The following CDKL2 variants were observed in gnomAD, a reference collection of about 807,000 sequenced individuals.
CDKL2 encodes cyclin dependent kinase like 2, also known as cyclin-dependent kinase-like 2.
CDKL2 carries 64 observed loss-of-function variants against 63.9 expected under a neutral mutation model. The ratio of observed to expected loss-of-function variants is 1.00; its 90% CI spans 0.82 to 1.23. The LOEUF is 1.23. Ranked by LOEUF, CDKL2 falls within the 50% of genes most tolerant of loss-of-function variation. The probability of loss-of-function intolerance (pLI) is 0.00; values close to 1 mark genes in which losing one functional copy is unlikely to be tolerated. For missense variants in CDKL2, 656 were observed against 668.0 expected (o/e 0.98, Z 0.20); for synonymous variants, 211 against 229.2 (o/e 0.92, Z 0.72).
rs368149421 is a variant in CDKL2, at chr4:75,625,833, G to C, written c.156C>G (p.Ile52Met). 5.0e-6 allele frequency: 8 copies of C among 1,610,534 alleles called. No homozygotes were observed. The highest frequency in any genetic ancestry group is 6.8e-6 in the Non-Finnish European group (8 of 1,179,036). Residue 52 changes from isoleucine (I) to methionine (M), a missense_variant, in exon 2 of 14, where the codon ATC (isoleucine) becomes ATG (methionine). Coordinates refer to ENST00000307465, the MANE Select transcript of CDKL2 (RefSeq NM_001330724.2). ...TGCATTTACTCACCTTTAGTAACTT[G>C]ATTTCTCGCATTGCAATCTTTTTAA... ...KMVKKIAMRE[I>M]KLLKQLRHEN... is the part of the protein sequence containing the mutation.
chr4:75,584,475 C>T (rs1457007643), intron 12 of CDKL2, among the ~76,000 whole-genome samples: 1 of 152,212 alleles, frequency 6.6e-6, no homozygotes, highest in Admixed American at 6.5e-5. Context: ...CTGCAGACAC[C>T]TTGATTTCCA....
chr4:75,591,789 C>G, intron 12 of CDKL2, 30 bp downstream of exon 12: 1 of 1,425,272 alleles, frequency 7.0e-7, no homozygotes, highest in Non-Finnish European at 9.5e-7. Context: ...GACCCGAGTT[C>G]TGTCCATCCT....
chr4:75,592,055 G>C (rs1448667139), intron 11 of CDKL2, 91 bp downstream of exon 11: 1 of 1,345,592 alleles, frequency 7.4e-7, no homozygotes, highest in East Asian at 2.5e-5. Flanking sequence ...AATATGTAAA[G>C]TTAGTATGAA....
At chr4:75,598,684 CT>C (rs888243163) in intron 7 of CDKL2, among the ~76,000 whole-genome samples, 8 of 151,722 alleles carry the variant, frequency 5.3e-5, no homozygotes, top group Non-Finnish European at 1.2e-4. Flanking sequence ...TAAACGCATC[CT>C]TTTTTTATGG....
At chr4:75,612,985 C>T (rs1327586764) in intron 3 of CDKL2, among the ~76,000 whole-genome samples, 2 of 152,118 alleles carry the variant, frequency 1.3e-5, no homozygotes, top group African/African-American at 2.4e-5. Flanking sequence ...ATTCTCCGGG[C>T]GTGGTGGCGG....
chr4:75,622,551 T>C (rs1016197484), intron 2 of CDKL2, among the ~76,000 whole-genome samples: 2 of 151,164 alleles, frequency 1.3e-5, no homozygotes, highest in African/African-American at 4.9e-5. Context: ...AAACCCCGTC[T>C]CTACTAAAAT....
At chr4:75,606,030 T>C (rs1330356029) in intron 4 of CDKL2, among the ~76,000 whole-genome samples, 3 of 152,186 alleles carry the variant, frequency 2.0e-5, no homozygotes, top group South Asian at 2.1e-4. Flanking sequence ...ATGTATACTT[T>C]ATTCTGGAAA....
At chr4:75,591,671 T>A (rs1007209400) in intron 12 of CDKL2, 148 bp downstream of exon 12, 12 of 564,456 alleles carry the variant, frequency 2.1e-5, no homozygotes, top group Non-Finnish European at 3.1e-5. Flanking sequence ...CTAAGTGCAA[T>A]GAATCAAACA....
In CDKL2 at chr4:75,607,376, G is replaced by T; in HGVS notation, c.364-15C>A. On this transcript the variant is annotated splice_polypyrimidine_tract_variant and intron_variant, in intron 3 of 13. Coordinates refer to ENST00000307465, the MANE Select transcript of CDKL2 (RefSeq NM_001330724.2). ...CTGTGTATGATCTAGACAAGAAGCA[G>T]AGTGTGACGGATGTTAAATAAAATT... 6.3e-7 allele frequency: 1 copy of T among 1,594,184 alleles called. No individual in the cohort carries two copies. The highest frequency in any genetic ancestry group is 2.2e-5 in the East Asian group (1 of 44,684).
At chr4:75,583,423 G>T (rs1271711792) in intron 12 of CDKL2, among the ~76,000 whole-genome samples, 1 of 152,154 alleles carries the variant, frequency 6.6e-6, no homozygotes, top group Non-Finnish European at 1.5e-5. Flanking sequence ...GAAATCCTTT[G>T]CATTCCAAAA....
intron 5 of CDKL2, among the ~76,000 whole-genome samples, 199 bp downstream of exon 5, chr4:75,605,323 A>G (rs746769199): frequency 2.4e-4 from 37 of 151,828 alleles, no homozygotes; most frequent in Non-Finnish European, 5.1e-4. Context: ...ATTGCACTCT[A>G]GCCTGGGCAA....
intron 1 of CDKL2, 23 bp downstream of exon 1, chr4:75,630,019 G>A (rs1199646144): frequency 2.1e-5 from 3 of 141,178 alleles, no homozygotes; most frequent in African/African-American, 7.7e-5. Context: ...GATAATAGAA[G>A]CTTTAAAACG....
rs1171964321 is a variant in CDKL2 at position 75,622,715 on chromosome 4, CAAAA to C, written c.168+3102_168+3105del. Among the ~76,000 whole-genome samples the C allele has an allele frequency of 2.9e-4, 4 of 13,956 alleles. No homozygotes were observed. In the Admixed American group the frequency reaches 5.0e-3, roughly 17 times the overall value. 9.2% of individuals were successfully genotyped at this position (13,956 alleles called of 152,430 possible). ...CCTGGGTGACAGAGCAAGACTCCAT[CAAAA>C]AAAAAAAAAAAAAAAAAAAAAAAAA... On this transcript the variant is annotated intron_variant, in intron 2 of 13. Coordinates refer to ENST00000307465, the MANE Select transcript of CDKL2 (RefSeq NM_001330724.2).
chr4:75,580,826 G>A (rs908245204), intron 13 of CDKL2, among the ~76,000 whole-genome samples: 6 of 147,988 alleles, frequency 4.1e-5, no homozygotes, highest in South Asian at 2.1e-4. Context: ...TCAGCCTCCC[G>A]AGTAGCTGGG....
At chr4:75,596,442 C>G in intron 9 of CDKL2, 102 bp from the exon 10 acceptor site, 1 of 708,664 alleles carries the variant, frequency 1.4e-6, no homozygotes, top group East Asian at 2.6e-5. Context: ...GCAGTTTAAC[C>G]AGAGTGTAAT....
chr4:75,592,678 G>T (rs1560575935), intron 10 of CDKL2, among the ~76,000 whole-genome samples: 1 of 152,130 alleles, frequency 6.6e-6, no homozygotes, highest in Non-Finnish European at 1.5e-5. Context: ...ATCTTCACAT[G>T]TATATCATAT....
Position 75,603,834 on chromosome 4 carries a change from C to T in CDKL2, c.778G>A (p.Val260Met), listed in dbSNP as rs758757222. The T allele has an allele frequency of 6.2e-7, 1 of 1,606,582 alleles. No homozygotes were observed. Among genetic ancestry groups the T allele is most frequent in the Non-Finnish European group, 8.5e-7 (1 of 1,178,028 alleles). The change falls in exon 6 of 14, where the codon GTG becomes ATG. Residue 260 changes from valine (V) to methionine (M), a missense_variant. Val to Met is a conservative substitution (Grantham distance 21). Coordinates refer to ENST00000307465, the MANE Select transcript of CDKL2 (RefSeq NM_001330724.2). Reference protein sequence around the residue: ...ERRYPKLSEVVIDLAKKCLHI... With the variant: ...ERRYPKLSEVMIDLAKKCLHI... ...ATGATTACCTTTGCTAAATCTATCA[C>T]CACTTCAGAGAGCTTAGGATAGCGT...
At chr4:75,580,924 T>A (rs1472559221) in intron 13 of CDKL2, among the ~76,000 whole-genome samples, 3 of 151,710 alleles carry the variant, frequency 2.0e-5, no homozygotes, top group Admixed American at 1.3e-4. Flanking sequence ...ATGGTCTCGA[T>A]CTCCTGACCT....
chr4:75,608,142 TAGGC>T (rs1729511171), intron 3 of CDKL2, among the ~76,000 whole-genome samples: 1 of 143,882 alleles, frequency 7.0e-6, no homozygotes, highest in African/African-American at 2.6e-5. Context: ...TTTTTTTTTT[TAGGC>T]ATCGTCTTGC....
Sources: gnomAD v4.1 joint callset for allele counts (sites outside exome capture counted in the v4.1 genomes callset) on GRCh38, gnomAD v4.1.1 for gene constraint, MANE v1.5 for transcripts, NCBI Gene and HGNC (gene_info 2026-07-23, HGNC 2026-07-21) for gene names.